LHFPL6: variants seen among roughly 807,000 people sequenced by gnomAD.
LHFPL6 encodes the protein LHFPL tetraspan subfamily member 6.
LHFPL6 carries 9 observed loss-of-function variants against 20.6 expected under a neutral mutation model. The ratio of observed to expected loss-of-function variants is 0.44; its 90% confidence interval spans 0.26 to 0.76. LHFPL6 has a LOEUF of 0.76. Ranked by LOEUF, LHFPL6 falls within the 30% of genes least tolerant of loss-of-function variation. The pLI, the probability that LHFPL6 is intolerant of heterozygous loss-of-function variation, is 0.20. For synonymous variants in LHFPL6, 105 were observed against 98.7 expected (o/e 1.06, Z -0.38); for missense variants, 218 against 253.5 (o/e 0.86, Z 0.95).
At chr13:39,357,164 C>T (rs1031674800) in intron 3 of LHFPL6, among the ~76,000 whole-genome samples, 1 of 151,966 alleles carries the variant, frequency 6.6e-6, no homozygotes, top group Non-Finnish European at 1.5e-5. Flanking sequence ...AGAGCCACAG[C>T]CTGTCTCAAA....
At chr13:39,410,774 A>G (rs1871226453) in intron 2 of LHFPL6, among the ~76,000 whole-genome samples, 2 of 152,314 alleles carry the variant, frequency 1.3e-5, no homozygotes, top group Middle Eastern at 3.4e-3. Context: ...GATGCTTTTC[A>G]AAAGTCAAGT....
At chr13:39,494,404 A>G (rs1869030669) in intron 2 of LHFPL6, among the ~76,000 whole-genome samples, 2 of 152,192 alleles carry the variant, frequency 1.3e-5, no homozygotes, top group Admixed American at 1.3e-4. Context: ...AGATTGAAGG[A>G]TACAGAAGGT....
At chr13:39,358,693 A>C (rs1869791892) in intron 3 of LHFPL6, among the ~76,000 whole-genome samples, 1 of 152,226 alleles carries the variant, frequency 6.6e-6, no homozygotes, top group South Asian at 2.1e-4. Flanking sequence ...CAATTCAACA[A>C]GGAAAAACCA....
intron 2 of LHFPL6, among the ~76,000 whole-genome samples, chr13:39,476,694 T>C (rs1302080553): frequency 5.3e-5 from 8 of 152,218 alleles, no homozygotes; most frequent in Non-Finnish European, 1.2e-4. Context: ...AAAGAAAATA[T>C]TGCAGGTCTG....
At chr13:39,564,227 AAC>A (rs1450429108) in intron 2 of LHFPL6, among the ~76,000 whole-genome samples, 15 of 152,224 alleles carry the variant, frequency 9.9e-5, no homozygotes, top group Admixed American at 3.9e-4. Context: ...TATAGCACCT[AAC>A]ACACAATTAT....
At chr13:39,499,491 C>T (rs1412830543) in intron 2 of LHFPL6, among the ~76,000 whole-genome samples, 2 of 152,190 alleles carry the variant, frequency 1.3e-5, no homozygotes, top group Non-Finnish European at 2.9e-5. Context: ...CAGATAACCA[C>T]ATTCCTATTT....
At chr13:39,426,741 T>A (rs1871648359) in intron 2 of LHFPL6, among the ~76,000 whole-genome samples, 1 of 152,206 alleles carries the variant, frequency 6.6e-6, no homozygotes, top group Non-Finnish European at 1.5e-5. Flanking sequence ...AATATTTTAG[T>A]GAAGATAATG....
At chr13:39,441,773 A>G (rs973616486) in intron 2 of LHFPL6, among the ~76,000 whole-genome samples, 5 of 151,634 alleles carry the variant, frequency 3.3e-5, no homozygotes, top group African/African-American at 1.2e-4. Flanking sequence ...TCAGCTTCCC[A>G]AAGAGCTGGG....
At chr13:39,370,044 A>C (rs1401881900) in intron 3 of LHFPL6, among the ~76,000 whole-genome samples, 3 of 152,158 alleles carry the variant, frequency 2.0e-5, no homozygotes, top group Non-Finnish European at 4.4e-5. Flanking sequence ...TCCCTGAAAA[A>C]ATGTGGCATT....
At chr13:39,426,200 A>C in intron 2 of LHFPL6, among the ~76,000 whole-genome samples, 1 of 149,730 alleles carries the variant, frequency 6.7e-6, no homozygotes. Context: ...GCTCTAATTT[A>C]CTTTCTTTTC....
intron 2 of LHFPL6, among the ~76,000 whole-genome samples, chr13:39,461,931 C>G (rs1872698147): frequency 6.6e-6 from 1 of 151,806 alleles, no homozygotes; most frequent in African/African-American, 2.4e-5. Flanking sequence ...TTAGAAATCT[C>G]TCACAACAAA....
intron 2 of LHFPL6, among the ~76,000 whole-genome samples, chr13:39,454,344 T>TCAAAGGATGCC (rs371053428): frequency 9.8e-6 from 1 of 101,848 alleles, no homozygotes; most frequent in South Asian, 3.6e-4. Context: ...AGAGTTGTAA[T>TCAAAGGATGCC]TGGGGCCGGG....
At chr13:39,585,897 T>G (rs149246665) in intron 2 of LHFPL6, among the ~76,000 whole-genome samples, 1 of 152,194 alleles carries the variant, frequency 6.6e-6, no homozygotes, top group Non-Finnish European at 1.5e-5. Context: ...AGGAAGCCAT[T>G]AATGGTTATT....
At chr13:39,530,512 T>C (rs1411900526) in intron 2 of LHFPL6, among the ~76,000 whole-genome samples, 2 of 152,072 alleles carry the variant, frequency 1.3e-5, no homozygotes, top group Admixed American at 6.6e-5. Flanking sequence ...ATCAGTGTCA[T>C]CACACTGCAC....
Position 39,474,683 on chromosome 13 carries a change from CT to C in LHFPL6, c.386-96158del, listed in dbSNP as rs987280584. On this transcript the variant is annotated intron_variant, in intron 2 of 3. Coordinates refer to ENST00000379589, the MANE Select transcript of LHFPL6 (RefSeq NM_005780.3). ...AATTATAAACATTTATTAAACTCTGCTTTTTTTTTTAATAAGGCCTTGAGAT... is the reference window on the plus strand; with the variant it reads ...AATTATAAACATTTATTAAACTCTGCTTTTTTTTTAATAAGGCCTTGAGAT... 7.4e-5 allele frequency among the ~76,000 whole-genome samples: 11 copies of C among 147,688 alleles called. No homozygotes were observed. The South Asian group carries it at 1.1e-3, about 14-fold the overall frequency.
chr13:39,480,330 A>G (rs1022377158), intron 2 of LHFPL6, among the ~76,000 whole-genome samples: 5 of 152,246 alleles, frequency 3.3e-5, no homozygotes, highest in African/African-American at 1.2e-4. Flanking sequence ...TTATACTAGC[A>G]TCTTGATACA....
intron 2 of LHFPL6, among the ~76,000 whole-genome samples, chr13:39,550,735 C>T (rs913275358): frequency 6.6e-6 from 1 of 152,038 alleles, no homozygotes; most frequent in African/African-American, 2.4e-5. Flanking sequence ...AAGAGAAATT[C>T]AGTTTACATA....
chr13:39,589,237 G>A (rs955466358), intron 2 of LHFPL6, among the ~76,000 whole-genome samples: 2 of 152,112 alleles, frequency 1.3e-5, no homozygotes, highest in Non-Finnish European at 2.9e-5. Flanking sequence ...CTCCTGAGTA[G>A]CCGAGATTAC....
At chr13:39,535,956 T>C (rs1266512697) in intron 2 of LHFPL6, among the ~76,000 whole-genome samples, 1 of 152,202 alleles carries the variant, frequency 6.6e-6, no homozygotes, top group African/African-American at 2.4e-5. Context: ...CAACCACTCA[T>C]GAAGCCTATT....
Sources: allele counts gnomAD v4.1 joint callset (sites outside exome capture counted in the v4.1 genomes callset), GRCh38; gene constraint gnomAD v4.1.1; transcripts MANE v1.5; gene names NCBI Gene and HGNC (gene_info 2026-07-23, HGNC 2026-07-21).